SOX5: variants seen among roughly 807,000 people sequenced by gnomAD.
SOX5 encodes SRY-box transcription factor 5, also known as transcription factor SOX-5.
SOX5 carries 9 observed loss-of-function variants against 92.0 expected under a neutral mutation model. That is an observed-to-expected ratio of 0.10 (90% CI 0.06 to 0.17). The LOEUF (loss-of-function observed/expected upper bound fraction) is 0.17. Ranked by LOEUF, SOX5 falls within the 10% of genes least tolerant of loss-of-function variation. SOX5 has a pLI of 1.00. For missense variants in SOX5, 642 were observed against 944.5 expected (o/e 0.68, Z 4.20); for synonymous variants, 344 against 336.3 (o/e 1.02, Z -0.25).
intron 1 of SOX5, among the ~76,000 whole-genome samples, chr12:23,918,825 G>A (rs1349061742): frequency 7.0e-6 from 1 of 142,954 alleles, no homozygotes; most frequent in Non-Finnish European, 1.6e-5. Context: ...GCTGAGGCAG[G>A]AGAATCACTG....
chr12:24,026,613 A>G (rs1009752642), intron 4 of SOX5, among the ~76,000 whole-genome samples: 3 of 143,016 alleles, frequency 2.1e-5, no homozygotes, highest in African/African-American at 7.6e-5. Context: ...AAAAAAAAAA[A>G]CAAAAAAAAT....
At chr12:23,796,221 T>C (rs1458984989) in intron 3 of SOX5, among the ~76,000 whole-genome samples, 3 of 152,138 alleles carry the variant, frequency 2.0e-5, no homozygotes, top group African/African-American at 7.2e-5. Flanking sequence ...GCTGAATTCT[T>C]TCTTACTTAA....
chr12:23,612,430 C>CA (rs1251919124), intron 8 of SOX5, among the ~76,000 whole-genome samples: 4 of 152,030 alleles, frequency 2.6e-5, no homozygotes, highest in Non-Finnish European at 5.9e-5. Flanking sequence ...AGTCCTCACT[C>CA]AAAAATAAAT....
chr12:24,023,099 T>C (rs1230964162), intron 4 of SOX5, among the ~76,000 whole-genome samples: 1 of 152,118 alleles, frequency 6.6e-6, no homozygotes, highest in Non-Finnish European at 1.5e-5. Context: ...TTCAATTTAA[T>C]GGCTACCAAA....
chr12:24,251,541 T>C (rs1425750473), intron 3 of SOX5, among the ~76,000 whole-genome samples: 1 of 151,992 alleles, frequency 6.6e-6, no homozygotes, highest in Non-Finnish European at 1.5e-5. Context: ...GATATCCTTG[T>C]CCTATTGAAC....
chr12:23,656,694 A>G (rs1274498692), intron 7 of SOX5, among the ~76,000 whole-genome samples: 1 of 152,052 alleles, frequency 6.6e-6, no homozygotes, highest in Non-Finnish European at 1.5e-5. Context: ...TACATAGTAT[A>G]TGTATCATAT....
At chr12:24,434,800 G>C (rs2137095223) in intron 1 of SOX5, among the ~76,000 whole-genome samples, 1 of 152,282 alleles carries the variant, frequency 6.6e-6, no homozygotes, top group Admixed American at 6.5e-5. Flanking sequence ...AAGCCGAGCA[G>C]ATGCTAGCAT....
chr12:23,675,285 C>A (rs1039336904), intron 6 of SOX5, among the ~76,000 whole-genome samples: 1 of 152,118 alleles, frequency 6.6e-6, no homozygotes, highest in Admixed American at 6.5e-5. Flanking sequence ...CCCCAAAAGA[C>A]TTACAATTTT....
At chr12:23,734,129 A>G (rs1470191155) in intron 6 of SOX5, among the ~76,000 whole-genome samples, 2 of 152,168 alleles carry the variant, frequency 1.3e-5, no homozygotes, top group Non-Finnish European at 2.9e-5. Flanking sequence ...TTCCTCCTGT[A>G]TTGATGCTCC....
intron 4 of SOX5, among the ~76,000 whole-genome samples, chr12:24,211,722 T>A (rs747767101): frequency 1.3e-4 from 20 of 152,230 alleles, no homozygotes; most frequent in Non-Finnish European, 2.9e-4. Flanking sequence ...CTGTTACTAA[T>A]GTTCCATGTG....
chr12:23,667,408 C>T (rs1214970093), intron 6 of SOX5, among the ~76,000 whole-genome samples: 4 of 152,030 alleles, frequency 2.6e-5, no homozygotes, highest in Admixed American at 6.6e-5. Flanking sequence ...TTCTAAACTT[C>T]GGTCTTTTAT....
intron 1 of SOX5, among the ~76,000 whole-genome samples, chr12:24,538,430 A>G (rs1278393003): frequency 1.3e-5 from 2 of 152,060 alleles, no homozygotes; most frequent in African/African-American, 4.8e-5. Context: ...CAACAGGCCA[A>G]TTTTCCAGAC....
At chr12:24,297,019 A>G (rs1009131440) in intron 2 of SOX5, among the ~76,000 whole-genome samples, 1 of 152,054 alleles carries the variant, frequency 6.6e-6, no homozygotes, top group African/African-American at 2.4e-5. Flanking sequence ...ACTGCCAGAC[A>G]GTTAATTGAA....
intron 3 of SOX5, among the ~76,000 whole-genome samples, chr12:23,839,786 CT>C (rs2096488665): frequency 6.6e-6 from 1 of 150,606 alleles, no homozygotes; most frequent in South Asian, 2.1e-4. Flanking sequence ...ATAATAAAAA[CT>C]CTCAGCAAAC....
intron 2 of SOX5, among the ~76,000 whole-genome samples, chr12:24,282,367 T>G (rs557627339): frequency 6.7e-6 from 1 of 149,916 alleles, no homozygotes. Context: ...TAAAAATAAA[T>G]CAATAAATAA....
At position 24,315,107 on chromosome 12, in the gene SOX5, A is replaced by G. The variant is rs558336137; in HGVS notation, c.-173-37795T>C. On this transcript the variant is annotated intron_variant, in intron 2 of 4. Transcript: ENST00000446891. ...CTTCCCTGAAATCAAATCATATGAC[A>G]GCTCATTTACTCTACCTCTAGTATT... 1.1e-4 allele frequency among the ~76,000 whole-genome samples: 17 copies of G among 152,346 alleles called. 1 individual carries two copies. The South Asian group carries it at 3.5e-3, about 32-fold the overall frequency.
chr12:23,538,784 C>T (rs1941202180), intron 13 of SOX5, among the ~76,000 whole-genome samples: 2 of 145,836 alleles, frequency 1.4e-5, no homozygotes, highest in Admixed American at 7.1e-5. Flanking sequence ...AATTCGAAAA[C>T]GAAACCAGCA....
At chr12:24,164,681 T>C (rs181580515) in intron 4 of SOX5, among the ~76,000 whole-genome samples, 4 of 152,178 alleles carry the variant, frequency 2.6e-5, no homozygotes, top group East Asian at 3.9e-4. Flanking sequence ...ACTGAGGAAA[T>C]AGATTGGCAA....
intron 11 of SOX5, among the ~76,000 whole-genome samples, chr12:23,561,709 G>C (rs1946230727): frequency 6.6e-6 from 1 of 151,954 alleles, no homozygotes; most frequent in Non-Finnish European, 1.5e-5. Flanking sequence ...CAGGATGAAG[G>C]CTTCCTGTCC....
Sources: allele counts gnomAD v4.1 joint callset (sites outside exome capture counted in the v4.1 genomes callset), GRCh38; gene constraint gnomAD v4.1.1; transcripts MANE v1.5; gene names NCBI Gene and HGNC (gene_info 2026-07-23, HGNC 2026-07-21).